The following PIKFYVE variants were observed in gnomAD, a reference collection of about 807,000 sequenced individuals.
The protein encoded by PIKFYVE is phosphoinositide kinase, FYVE-type zinc finger containing, also known as 1-phosphatidylinositol 3-phosphate 5-kinase.
A neutral mutation model predicts 257.9 loss-of-function variants in PIKFYVE; 122 were observed. The ratio of observed to expected loss-of-function variants is 0.47; its 90% CI spans 0.41 to 0.55. The LOEUF is 0.55. Ranked by LOEUF, PIKFYVE falls within the 20% of genes least tolerant of loss-of-function variation. The pLI is 0.00. For missense variants in PIKFYVE, 2,160 were observed against 2,536.6 expected (o/e 0.85, Z 3.19); for synonymous variants, 892 against 868.9 (o/e 1.03, Z -0.47).
intron 35 of PIKFYVE, 43 bp from the exon 36 acceptor site, chr2:208,349,981 T>A: frequency 6.2e-7 from 1 of 1,608,210 alleles, no homozygotes. Flanking sequence ...GAACTGATAA[T>A]TACTCAAAAC....
chr2:208,344,742 A>G (rs1439747970), intron 32 of PIKFYVE, among the ~76,000 whole-genome samples: 1 of 151,578 alleles, frequency 6.6e-6, no homozygotes, highest in East Asian at 1.9e-4. Flanking sequence ...TTAGTATGTT[A>G]AGTAGAAAAG....
chr2:208,337,675 G>T (rs1017657097), intron 28 of PIKFYVE, among the ~76,000 whole-genome samples: 20 of 151,988 alleles, frequency 1.3e-4, no homozygotes, highest in African/African-American at 4.4e-4. Context: ...TTCTCAAAGT[G>T]TGGTTCAAGG....
chr2:208,352,551 A>T, intron 38 of PIKFYVE, 103 bp from the exon 39 acceptor site: 2 of 1,364,634 alleles, frequency 1.5e-6, no homozygotes, highest in Non-Finnish European at 2.0e-6. Flanking sequence ...GGTCATATTA[A>T]TAGAAAATTA....
intron 32 of PIKFYVE, among the ~76,000 whole-genome samples, chr2:208,343,699 G>A (rs569851101): frequency 9.2e-4 from 140 of 152,240 alleles, no homozygotes; most frequent in Non-Finnish European, 1.3e-4. Flanking sequence ...GATGAGGAGG[G>A]ACTACTGCAA....
chr2:208,285,595 C>A, intron 5 of PIKFYVE, 131 bp from the exon 6 acceptor site: 1 of 755,124 alleles, frequency 1.3e-6, no homozygotes, highest in Non-Finnish European at 2.3e-6. Flanking sequence ...TTTTGAGAGT[C>A]TGTACTTGAA....
rs748780201 is a variant in PIKFYVE, at chr2:208,301,110, A to C, written c.1208+16A>C. ...TTGCCACAAGGTATTCTGATCTTAG[A>C]AGGTTTCAATATTATTTGTTTATTT... is the stretch of plus-strand genomic sequence containing the variant. On this transcript the variant is annotated intron_variant, in intron 9 of 41. Coordinates refer to ENST00000264380, the MANE Select transcript of PIKFYVE (RefSeq NM_015040.4). 4 of 1,613,006 alleles carry C rather than the reference A, an allele frequency of 2.5e-6. No individual in the cohort carries two copies. The East Asian group carries it at 8.9e-5, about 36-fold the overall frequency.
chr2:208,282,147 A>G (rs1199824563), intron 5 of PIKFYVE, among the ~76,000 whole-genome samples: 1 of 152,232 alleles, frequency 6.6e-6, no homozygotes, highest in Non-Finnish European at 1.5e-5. Flanking sequence ...ATAAGTATTA[A>G]TATTTGATTA....
At chr2:208,269,868 G>A (rs1231994852) in intron 1 of PIKFYVE, 4 of 296,726 alleles carry the variant, frequency 1.3e-5, no homozygotes, top group East Asian at 1.8e-4. Context: ...TTTGGTCTTG[G>A]CTGGAGGGGC....
At chr2:208,272,690 T>G (rs779764049) in intron 2 of PIKFYVE, among the ~76,000 whole-genome samples, 10 of 152,156 alleles carry the variant, frequency 6.6e-5, no homozygotes, top group Non-Finnish European at 1.2e-4. Context: ...TTAATAGTGT[T>G]AATTAACTCA....
intron 34 of PIKFYVE, 93 bp from the exon 35 acceptor site, chr2:208,347,766 T>C: frequency 1.9e-6 from 2 of 1,051,680 alleles, no homozygotes; most frequent in East Asian, 2.6e-5. Flanking sequence ...CTTCATATAG[T>C]GGTTACAACT....
At chr2:208,297,944 G>A (rs1232607123) in intron 7 of PIKFYVE, among the ~76,000 whole-genome samples, 2 of 152,082 alleles carry the variant, frequency 1.3e-5, no homozygotes, top group Non-Finnish European at 2.9e-5. Context: ...CAAATTTCTT[G>A]TAATTTTTCT....
chr2:208,268,132 T>C lies in PIKFYVE; in HGVS notation c.-10+1717T>C, dbSNP rs116671717. ...TTAAGCTGCTAAAGAGTGAGAGTTA[T>C]AAGATAATTTTTTCAGGGCCCTAGT... On this transcript the variant is annotated intron_variant, in intron 1 of 41. Transcript: ENST00000264380. Among the ~76,000 whole-genome samples, 381 of 152,332 alleles carry C rather than the reference T, an allele frequency of 2.5e-3. 1 individual carries two copies. The highest frequency in any genetic ancestry group is 8.8e-3 in the African/African-American group (365 of 41,568).
intron 4 of PIKFYVE, among the ~76,000 whole-genome samples, chr2:208,277,328 A>G (rs1026010192): frequency 6.6e-6 from 1 of 152,208 alleles, no homozygotes; most frequent in African/African-American, 2.4e-5. Flanking sequence ...TTATTGTAGC[A>G]TTAAGAATAA....
At chr2:208,348,599 A>AGTGTGTGTGTGT (rs35997291) in intron 35 of PIKFYVE, among the ~76,000 whole-genome samples, 3,528 of 128,926 alleles carry the variant, frequency 0.027, 73 homozygotes, top group South Asian at 0.067. Flanking sequence ...AAAAAAAAAA[A>AGTGTGTGTGTGT]GTGTGTGTGT....
intron 5 of PIKFYVE, among the ~76,000 whole-genome samples, chr2:208,285,208 G>A (rs1296303148): frequency 1.3e-5 from 2 of 152,154 alleles, no homozygotes; most frequent in African/African-American, 2.4e-5. Context: ...CAATTCTCCT[G>A]CCTCACCCTC....
rs1347384829 is a variant in PIKFYVE at position 208,341,273 on chromosome 2, A to G, written c.4931+1142A>G. Among the ~76,000 whole-genome samples, 3 of 151,802 alleles carry G rather than the reference A, an allele frequency of 2.0e-5. No individual in the cohort carries two copies. The East Asian group carries it at 5.8e-4, about 29-fold the overall frequency. On this transcript the variant is annotated intron_variant, in intron 31 of 41. Coordinates refer to ENST00000264380, the MANE Select transcript of PIKFYVE (RefSeq NM_015040.4). ...TCTGCCCACCTCTGTCTCCCAAAGTACTGAGCTACTGGACCCGGCCCTTTA... is the reference window on the plus strand; with the variant it reads ...TCTGCCCACCTCTGTCTCCCAAAGTGCTGAGCTACTGGACCCGGCCCTTTA...
At chr2:208,332,264 T>G (rs1697631979) in intron 23 of PIKFYVE, among the ~76,000 whole-genome samples, 1 of 152,158 alleles carries the variant, frequency 6.6e-6, no homozygotes, top group Non-Finnish European at 1.5e-5. Context: ...CTCTTTAAAA[T>G]TTTTTCTTTA....
intron 34 of PIKFYVE, among the ~76,000 whole-genome samples, chr2:208,346,462 T>A (rs1699244758): frequency 6.6e-6 from 1 of 152,180 alleles, no homozygotes. Flanking sequence ...CAAGATACGT[T>A]TTTTTCCTTT....
Position 208,355,440 on chromosome 2 carries a change from A to C in PIKFYVE, c.*135A>C. 1.4e-6 allele frequency: 1 copy of C among 693,930 alleles called. No individual in the cohort carries two copies. Among genetic ancestry groups the C allele is most frequent in the Non-Finnish European group, 2.5e-6 (1 of 405,406 alleles). 43.0% of individuals were successfully genotyped at this position (693,930 alleles called of 1,614,324 possible). On this transcript the variant is annotated 3_prime_UTR_variant, in exon 42 of 42. Coordinates refer to ENST00000264380, the MANE Select transcript of PIKFYVE (RefSeq NM_015040.4). ...AGGCTTTTCAGTTCTGTGGCTGTTTAGACTGTCCGTAATGGAATGGTAAAA... is the reference window on the plus strand; with the variant it reads ...AGGCTTTTCAGTTCTGTGGCTGTTTCGACTGTCCGTAATGGAATGGTAAAA...
Sources: allele counts gnomAD v4.1 joint callset (sites outside exome capture counted in the v4.1 genomes callset), GRCh38; gene constraint gnomAD v4.1.1; transcripts MANE v1.5; gene names NCBI Gene and HGNC (gene_info 2026-07-23, HGNC 2026-07-21).